The following TMEM63B variants were observed in gnomAD, a reference collection of about 807,000 sequenced individuals.
The protein encoded by TMEM63B is transmembrane protein 63B.
A neutral mutation model predicts 102.6 loss-of-function variants in TMEM63B; 23 were observed. That is an observed-to-expected ratio of 0.22 (90% CI 0.16 to 0.32). TMEM63B has a LOEUF of 0.32. Among genes scored for constraint, TMEM63B ranks in the 10% least tolerant of loss-of-function variants. The pLI, the probability that TMEM63B is intolerant of heterozygous loss-of-function variation, is 1.00. For missense variants in TMEM63B, 628 were observed against 1,095.9 expected (o/e 0.57, Z 6.03); for synonymous variants, 444 against 437.0 (o/e 1.02, Z -0.20).
chr6:44,137,071 A>G (rs1763121618), intron 5 of TMEM63B, among the ~76,000 whole-genome samples: 1 of 152,154 alleles, frequency 6.6e-6, no homozygotes, highest in Non-Finnish European at 1.5e-5. Flanking sequence ...AGAAATAATA[A>G]GCCCTCCAGC....
intron 5 of TMEM63B, among the ~76,000 whole-genome samples, chr6:44,137,792 G>C (rs770426996): frequency 2.7e-4 from 41 of 151,926 alleles, no homozygotes; most frequent in Middle Eastern, 3.4e-3. Flanking sequence ...TCCGCCTCCT[G>C]GGTTCAAGCA....
chr6:44,149,796 T>G, intron 15 of TMEM63B, 63 bp from the exon 16 acceptor site: 4 of 1,388,936 alleles, frequency 2.9e-6, no homozygotes, highest in Non-Finnish European at 4.0e-6. Context: ...AGGAGGCACA[T>G]AAGCAAAGCC....
intron 15 of TMEM63B, chr6:44,149,339 A>T: frequency 3.0e-6 from 1 of 337,940 alleles, no homozygotes; most frequent in East Asian, 7.0e-5. Context: ...TGCTCCGATG[A>T]CAGTAGGGTG....
Position 44,152,791 on chromosome 6 carries a change from C to T in TMEM63B, c.1942+93C>T. The T allele has an allele frequency of 1.8e-6, 2 of 1,087,516 alleles. No homozygotes were observed. Among genetic ancestry groups the T allele is most frequent in the Non-Finnish European group, 1.4e-6 (1 of 740,612 alleles). The allele number at this position is 1,087,516 out of a possible 1,614,324, so 67.4% of individuals were successfully genotyped here. The stretch of plus-strand genomic sequence containing the variant: ...AGGAATGCAGGCCACCCCGAGTGGA[C>T]AGGGCCCGGCTGGGAGACCGGCCCC... On this transcript the variant is annotated intron_variant, in intron 20 of 23. Coordinates refer to ENST00000323267, the MANE Select transcript of TMEM63B (RefSeq NM_018426.3). This position sits in a 1 kb window ranked among gnomAD's most constrained non-coding sequence, Gnocchi z 6.4.
In TMEM63B at chr6:44,150,028, G is replaced by A; in HGVS notation, c.1520+63G>A. 2.0e-6 allele frequency: 3 copies of A among 1,524,662 alleles called. No individual in the cohort carries two copies. In the South Asian group the frequency reaches 3.5e-5, roughly 18 times the overall value. 94.4% of individuals were successfully genotyped at this position (1,524,662 alleles called of 1,614,324 possible). On this transcript the variant is annotated intron_variant, in intron 16 of 23. Coordinates refer to ENST00000323267, the MANE Select transcript of TMEM63B (RefSeq NM_018426.3). This position sits in a 1 kb window ranked among gnomAD's most constrained non-coding sequence, Gnocchi z 4.7. The stretch of plus-strand genomic sequence containing the variant: ...CTGCCCTCAATGACCCATCCTCTCT[G>A]GGCAGCACTTTGCCCTTCAGGCTCC...
rs192811459 is a variant in TMEM63B, at chr6:44,152,426, C to T, written c.1837-167C>T. ...CCTGACCCTCCTCTCGGCCATAGCC[C>T]CTCTCTCCATCTGCTCTGCCCTACC... On this transcript the variant is annotated intron_variant, in intron 19 of 23. Transcript: ENST00000323267. The surrounding 1 kb of genome is among the most constrained non-coding windows in gnomAD (Gnocchi z 6.4). Among the ~76,000 whole-genome samples, 1 of 152,164 alleles carries T rather than the reference C, an allele frequency of 6.6e-6. No homozygotes were observed. The highest frequency in any genetic ancestry group is 1.9e-4 in the East Asian group (1 of 5,166).
At chr6:44,131,727 C>T (rs963964060) in intron 1 of TMEM63B, among the ~76,000 whole-genome samples, 1 of 117,028 alleles carries the variant, frequency 8.5e-6, no homozygotes, top group African/African-American at 3.9e-5. Context: ...CAAAAAAATA[C>T]ACAACAACCC....
intron 9 of TMEM63B, 53 bp downstream of exon 9, chr6:44,140,413 T>C (rs7738970): frequency 0.35 from 504,889 of 1,435,698 alleles, 92,446 homozygotes; most frequent in Non-Finnish European, 0.38. Context: ...TTCCCTTCCC[T>C]TCCCTGCAGG....
rs1353867287 is a variant in TMEM63B, at chr6:44,153,687, A to G, written c.1954A>G (p.Met652Val). 1.2e-6 allele frequency: 2 copies of G among 1,613,828 alleles called. No individual in the cohort carries two copies. The highest frequency in any genetic ancestry group is 1.7e-6 in the Non-Finnish European group (2 of 1,179,938). The part of the protein sequence containing the change: ...PIIVPFGLMY[M>V]LLKHLVDRYN... The stretch of plus-strand genomic sequence containing the variant: ...GTGGCTTCCCTTAGGGCTCATGTAC[A>G]TGCTGCTGAAGCACCTGGTAGACAG... The change falls in exon 21 of 24, where the codon ATG (methionine) becomes GTG (valine). Residue 652 changes from methionine (M) to valine (V), a missense_variant. By Grantham distance (21) the Met-to-Val change is conservative. Coordinates refer to ENST00000323267, the MANE Select transcript of TMEM63B (RefSeq NM_018426.3).
chr6:44,143,598 A>G (rs1764745517), intron 10 of TMEM63B, among the ~76,000 whole-genome samples: 1 of 151,986 alleles, frequency 6.6e-6, no homozygotes, highest in Non-Finnish European at 1.5e-5. Flanking sequence ...GTTTTTTGAT[A>G]CAAATATCTA....
chr6:44,151,842 G>T lies in TMEM63B; in HGVS notation c.1674-4G>T. ...TGCAGTGCTGGAGCACCTGGTGCCC[G>T]CAGGTGTGTGTTCCTGCCCGACAAC... is the stretch of plus-strand genomic sequence containing the variant. On this transcript the variant is annotated splice_region_variant and splice_polypyrimidine_tract_variant and intron_variant, in intron 18 of 23. Coordinates refer to ENST00000323267, the MANE Select transcript of TMEM63B (RefSeq NM_018426.3). 6.2e-7 allele frequency: 1 copy of T among 1,605,186 alleles called. No homozygotes were observed. The highest frequency in any genetic ancestry group is 8.5e-7 in the Non-Finnish European group (1 of 1,175,842).
chr6:44,151,962 G>A lies in TMEM63B; in HGVS notation c.1790G>A (p.Arg597Gln). The A allele has an allele frequency of 1.2e-6, 2 of 1,612,256 alleles. No homozygotes were observed. Among genetic ancestry groups the A allele is most frequent in the Non-Finnish European group, 8.5e-7 (1 of 1,179,058 alleles). Reference sequence around the variant, plus strand: ...CCAGGCCTGCTCATGTACATGATCCGGCTCTGCCTGGCGCGCTCGGCCGCC... The same window carrying A: ...CCAGGCCTGCTCATGTACATGATCCAGCTCTGCCTGGCGCGCTCGGCCGCC... ...RIPGLLMYMIRLCLARSAAER... is the reference protein window; with the variant it reads ...RIPGLLMYMIQLCLARSAAER... The change falls in exon 19 of 24, where the codon CGG becomes CAG. Residue 597 changes from arginine to glutamine, a missense_variant. Arg to Gln is a conservative substitution (Grantham distance 43). Coordinates refer to ENST00000323267, the MANE Select transcript of TMEM63B (RefSeq NM_018426.3).
Position 44,150,600 on chromosome 6 carries a change from A to G in TMEM63B, c.1644A>G (p.Lys548=), listed in dbSNP as rs1225387110. The G allele has an allele frequency of 5.0e-6, 8 of 1,614,096 alleles. No homozygotes were observed. The highest frequency in any genetic ancestry group is 1.7e-5 in the Admixed American group (1 of 60,026). Residue 548 remains lysine, a synonymous_variant, in exon 18 of 24, where the codon AAA becomes AAG. Transcript: ENST00000323267. The surrounding 1 kb of genome is among the most constrained non-coding windows in gnomAD (Gnocchi z 4.7). ...TCTTCCGCTGGCTCTTTGATAAGAA[A>G]TTCTTGGCTGAGGCAGCTATTCGGT... The part of the protein sequence containing the change: ...DLFFRWLFDK[K]FLAEAAIRFE...
intron 1 of TMEM63B, 72 bp downstream of exon 1, chr6:44,127,750 T>G (rs1429195203): frequency 6.6e-6 from 1 of 151,162 alleles, no homozygotes; most frequent in Non-Finnish European, 1.5e-5. Context: ...AGAAAAAACC[T>G]GGACTCAGCT....
Position 44,150,086 on chromosome 6 carries a change from G to A in TMEM63B, c.1520+121G>A, listed in dbSNP as rs964744379. On this transcript the variant is annotated intron_variant, in intron 16 of 23. Transcript: ENST00000323267. The surrounding 1 kb of genome is among the most constrained non-coding windows in gnomAD (Gnocchi z 4.7). The stretch of plus-strand genomic sequence containing the variant: ...GGGCAGTCCCACAGCTGGTAGGGAA[G>A]GGGTAGTGCCCAGCACCCTCACCTT... 97 of 1,312,752 alleles carry A rather than the reference G, an allele frequency of 7.4e-5. No individual in the cohort carries two copies. The highest frequency in any genetic ancestry group is 9.9e-5 in the Non-Finnish European group (93 of 936,288). 81.3% of individuals were successfully genotyped at this position (1,312,752 alleles called of 1,614,324 possible). A position where few individuals can be genotyped will look rare whatever the true frequency, so the allele number is the denominator to read the frequency against.
rs1425272330 is a variant in TMEM63B at position 44,155,078 on chromosome 6, G to A, written c.*195G>A. On this transcript the variant is annotated 3_prime_UTR_variant, in exon 24 of 24. Coordinates refer to ENST00000323267, the MANE Select transcript of TMEM63B (RefSeq NM_018426.3). ...GGGAGCCCCCCAACCTCAGTGAGGA[G>A]AGCCCCGAGCCGGCCCCGGGGCAAA... 1 of 504,168 alleles carries A rather than the reference G, an allele frequency of 2.0e-6. No individual in the cohort carries two copies. Among genetic ancestry groups the A allele is most frequent in the East Asian group, 3.6e-5 (1 of 27,738 alleles). The allele number at this position is 504,168 out of a possible 1,614,324, so 31.2% of individuals were successfully genotyped here.
At position 44,154,918 on chromosome 6, in the gene TMEM63B, C is replaced by A; in HGVS notation, c.*35C>A. The A allele has an allele frequency of 6.8e-7, 1 of 1,473,202 alleles. No homozygotes were observed. Among genetic ancestry groups the A allele is most frequent in the Non-Finnish European group, 9.0e-7 (1 of 1,109,880 alleles). The allele number at this position is 1,473,202 out of a possible 1,614,324, so 91.3% of individuals were successfully genotyped here. ...GGGGCCCTGGAGGCCACATCCTGCC[C>A]CACCCCACCCCCACTCCCACGGACA... On this transcript the variant is annotated 3_prime_UTR_variant, in exon 24 of 24. Transcript: ENST00000323267.
chr6:44,152,540 C>G lies in TMEM63B; in HGVS notation c.1837-53C>G. The G allele has an allele frequency of 7.1e-7, 1 of 1,413,754 alleles. No individual in the cohort carries two copies. Among genetic ancestry groups the G allele is most frequent in the Non-Finnish European group, 9.9e-7 (1 of 1,008,942 alleles). The allele number at this position is 1,413,754 out of a possible 1,614,324, so 87.6% of individuals were successfully genotyped here. ...CTTCCCCCTCCCTCCTTCCCTGCCC[C>G]TCTGGTCAGTCCCTGCCTCCCTGAG... On this transcript the variant is annotated intron_variant, in intron 19 of 23. Coordinates refer to ENST00000323267, the MANE Select transcript of TMEM63B (RefSeq NM_018426.3). This position sits in a 1 kb window ranked among gnomAD's most constrained non-coding sequence, Gnocchi z 6.4.
chr6:44,136,648 T>C (rs1763022086), intron 5 of TMEM63B, among the ~76,000 whole-genome samples: 1 of 152,222 alleles, frequency 6.6e-6, no homozygotes, highest in Admixed American at 6.5e-5. Flanking sequence ...GTCTCCAAAC[T>C]AGCACAGCCT....
Sources: allele counts gnomAD v4.1 joint callset (sites outside exome capture counted in the v4.1 genomes callset), GRCh38; gene constraint gnomAD v4.1.1; non-coding constraint Gnocchi (gnomAD v3.1); transcripts MANE v1.5; gene names NCBI Gene and HGNC (gene_info 2026-07-23, HGNC 2026-07-21).